The following BLACAT1 variants were observed in gnomAD, a reference collection of about 807,000 sequenced individuals.
BLACAT1 encodes the protein BLACAT1 overlapping LEMD1 locus, also known as bladder cancer associated transcript 1.
intron 1 of BLACAT1, among the ~76,000 whole-genome samples, chr1:205,451,774 A>C (rs945779643): frequency 6.6e-6 from 1 of 152,128 alleles, no homozygotes; most frequent in African/African-American, 2.4e-5. Flanking sequence ...AAACTGTGTC[A>C]TGCATCTAGG....
chr1:205,441,525 C>T lies in BLACAT1; in HGVS notation c.-36-463G>A, dbSNP rs959168664. 2.6e-5 allele frequency among the ~76,000 whole-genome samples: 4 copies of T among 152,322 alleles called. No homozygotes were observed. The highest frequency in any genetic ancestry group is 6.5e-5 in the Admixed American group (1 of 15,310). The stretch of plus-strand genomic sequence containing the variant: ...CGACAGGCCCTCCTCCATCCAAATG[C>T]GGACCCCTTCATCCAGTGTAGCTTT... On this transcript the variant is annotated intron_variant, in intron 1 of 1. Coordinates refer to ENST00000629624, the Ensembl canonical transcript of BLACAT1. The surrounding 1 kb of genome is among the most constrained non-coding windows in gnomAD (Gnocchi z 4.3).
chr1:205,454,658 G>A (rs1297085476), intron 1 of BLACAT1, among the ~76,000 whole-genome samples: 2 of 152,010 alleles, frequency 1.3e-5, no homozygotes, highest in Non-Finnish European at 2.9e-5. Flanking sequence ...GCAGCCCCAG[G>A]CCTCCGTTGT....
At chr1:205,452,602 A>G (rs1247758536) in intron 1 of BLACAT1, among the ~76,000 whole-genome samples, 1 of 152,238 alleles carries the variant, frequency 6.6e-6, no homozygotes, top group Non-Finnish European at 1.5e-5. Context: ...ATCTGGAATT[A>G]AGTTAGACAG....
chr1:205,443,784 C>T (rs945928059), intron 1 of BLACAT1, among the ~76,000 whole-genome samples: 1 of 152,198 alleles, frequency 6.6e-6, no homozygotes, highest in African/African-American at 2.4e-5. Flanking sequence ...GATTGCCGGG[C>T]CAGCCCCTGA....
downstream of BLACAT1, among the ~76,000 whole-genome samples, chr1:205,439,418 C>T (rs766627033): frequency 6.6e-6 from 1 of 152,256 alleles, no homozygotes; most frequent in African/African-American, 2.4e-5. Context: ...CTGAATCCCA[C>T]CCAATCTGCC....
At chr1:205,445,863 A>C (rs1666380711) in intron 1 of BLACAT1, among the ~76,000 whole-genome samples, 1 of 152,130 alleles carries the variant, frequency 6.6e-6, no homozygotes, top group Non-Finnish European at 1.5e-5. Context: ...GGGGAGAGAG[A>C]CTTTTTTTCC....
chr1:205,440,205 C>T (rs936520962), exon 2 of BLACAT1, among the ~76,000 whole-genome samples: 12 of 152,124 alleles, frequency 7.9e-5, no homozygotes, highest in African/African-American at 2.9e-4. Flanking sequence ...ACAGGCCTCC[C>T]CACATCTGTG....
At chr1:205,438,730 C>A (rs905564961), downstream of BLACAT1, among the ~76,000 whole-genome samples, 8 of 152,082 alleles carry the variant, frequency 5.3e-5, no homozygotes, top group Non-Finnish European at 1.0e-4. Flanking sequence ...ACTGGACCTC[C>A]ACTCAGAACA....
intron 1 of BLACAT1, among the ~76,000 whole-genome samples, chr1:205,451,745 A>G (rs1039533910): frequency 6.6e-6 from 1 of 152,064 alleles, no homozygotes; most frequent in African/African-American, 2.4e-5. Flanking sequence ...GGGGAAAAGC[A>G]ACTTTTTTTT....
At chr1:205,451,264 T>C (rs1666493445) in intron 1 of BLACAT1, among the ~76,000 whole-genome samples, 1 of 152,178 alleles carries the variant, frequency 6.6e-6, no homozygotes, top group Admixed American at 6.5e-5. Flanking sequence ...AGAATTCCCA[T>C]GGTGGCCAAT....
At chr1:205,438,541 T>C (rs1666243914), downstream of BLACAT1, among the ~76,000 whole-genome samples, 1 of 152,198 alleles carries the variant, frequency 6.6e-6, no homozygotes, top group Non-Finnish European at 1.5e-5. Flanking sequence ...CTTCCTGAGA[T>C]GCTAAAAGGA....
chr1:205,445,995 C>T, intron 1 of BLACAT1, among the ~76,000 whole-genome samples: 1 of 152,112 alleles, frequency 6.6e-6, no homozygotes, highest in East Asian at 1.9e-4. Context: ...CATGGGCCCA[C>T]TCTCGCAAGG....
At chr1:205,449,423 C>A (rs1272945287) in intron 1 of BLACAT1, among the ~76,000 whole-genome samples, 2 of 152,054 alleles carry the variant, frequency 1.3e-5, no homozygotes, top group African/African-American at 2.4e-5. Flanking sequence ...GGCCCCAGGC[C>A]CAGATCAGGC....
chr1:205,441,926 T>C lies in BLACAT1; in HGVS notation c.-36-864A>G, dbSNP rs1666299906. 6.6e-6 allele frequency among the ~76,000 whole-genome samples: 1 copy of C among 152,276 alleles called. No homozygotes were observed. Among genetic ancestry groups the C allele is most frequent in the South Asian group, 2.1e-4 (1 of 4,826 alleles). The stretch of plus-strand genomic sequence containing the variant: ...GGGGCCGCTCTGGTATCTGTTGCAG[T>C]CTGGCTGGGGAAGAGAGGGAGCTTC... On this transcript the variant is annotated intron_variant, in intron 1 of 1. Coordinates refer to ENST00000629624, the Ensembl canonical transcript of BLACAT1. The surrounding 1 kb of genome is among the most constrained non-coding windows in gnomAD (Gnocchi z 4.3).
chr1:205,455,763 C>T (rs1336140846), intron 1 of BLACAT1, among the ~76,000 whole-genome samples, 154 bp downstream of exon 1: 1 of 152,180 alleles, frequency 6.6e-6, no homozygotes, highest in African/African-American at 2.4e-5. Context: ...GTGCCTGAAC[C>T]CGCATCCCGC....
At chr1:205,443,153 T>G (rs1367879518) in intron 1 of BLACAT1, among the ~76,000 whole-genome samples, 2 of 152,116 alleles carry the variant, frequency 1.3e-5, no homozygotes, top group Non-Finnish European at 2.9e-5. Flanking sequence ...GTCCCATGAT[T>G]ATTGAAAAAT....
At chr1:205,442,985 G>A (rs1272607323) in intron 1 of BLACAT1, among the ~76,000 whole-genome samples, 3 of 152,138 alleles carry the variant, frequency 2.0e-5, no homozygotes, top group Non-Finnish European at 4.4e-5. Context: ...AGGAGATTAG[G>A]CAAGATTTAA....
rs185394414 is a variant in BLACAT1, at chr1:205,448,794, G to T, written c.-37+7123C>A. 6.0e-4 allele frequency among the ~76,000 whole-genome samples: 92 copies of T among 152,316 alleles called. No individual in the cohort carries two copies. Among genetic ancestry groups the T allele is most frequent in the African/African-American group, 2.2e-3 (92 of 41,570 alleles). On this transcript the variant is annotated intron_variant, in intron 1 of 1. Coordinates refer to ENST00000629624, the Ensembl canonical transcript of BLACAT1. This position sits in a 1 kb window ranked among gnomAD's most constrained non-coding sequence, Gnocchi z 4.7. ...CCAGTACCCAGGATGGGGGGCCCCA[G>T]GTTAGGCTCCCTCTTTACAAAGCTT...
chr1:205,438,149 T>C (rs527297968), downstream of BLACAT1, among the ~76,000 whole-genome samples: 4 of 152,314 alleles, frequency 2.6e-5, no homozygotes, highest in East Asian at 7.7e-4. Flanking sequence ...TTCAGCAGCC[T>C]GAAGCCCAAG....
Sources: allele counts gnomAD v4.1 joint callset (sites outside exome capture counted in the v4.1 genomes callset), GRCh38; gene constraint gnomAD v4.1.1; non-coding constraint Gnocchi (gnomAD v3.1); transcripts MANE v1.5; gene names NCBI Gene and HGNC (gene_info 2026-07-23, HGNC 2026-07-21).